CHRM3: variants seen among roughly 807,000 people sequenced by gnomAD.
CHRM3 encodes cholinergic receptor muscarinic 3.
CHRM3 carries 11 observed loss-of-function variants against 41.8 expected under a neutral mutation model. That is an observed-to-expected ratio of 0.26 (90% confidence interval 0.17 to 0.44). CHRM3 has a LOEUF of 0.44. CHRM3 is among the 20% of genes least tolerant of loss of function. The pLI is 1.00. For missense variants in CHRM3, 571 were observed against 745.4 expected (o/e 0.77, Z 2.72); for synonymous variants, 297 against 301.4 (o/e 0.99, Z 0.15).
chr1:239,888,234 G>A (rs1228405035), intron 6 of CHRM3, among the ~76,000 whole-genome samples: 1 of 152,062 alleles, frequency 6.6e-6, no homozygotes, highest in African/African-American at 2.4e-5. Context: ...AGGCATGGTG[G>A]TGCACACCTG....
intron 2 of CHRM3, among the ~76,000 whole-genome samples, chr1:239,498,746 T>G (rs1286862218): frequency 6.6e-6 from 1 of 152,190 alleles, no homozygotes; most frequent in African/African-American, 2.4e-5. Context: ...TTAAGACTTT[T>G]GTTTAAAATG....
chr1:239,758,764 G>C (rs1666448013), intron 5 of CHRM3, among the ~76,000 whole-genome samples: 1 of 152,120 alleles, frequency 6.6e-6, no homozygotes, highest in South Asian at 2.1e-4. Context: ...AAAACTCTTT[G>C]TTGACAGAGT....
chr1:239,777,588 A>C (rs894236786), intron 5 of CHRM3, among the ~76,000 whole-genome samples: 1 of 152,148 alleles, frequency 6.6e-6, no homozygotes, highest in African/African-American at 2.4e-5. Flanking sequence ...CAAAGTTTCT[A>C]TTTAAGGAAT....
intron 4 of CHRM3, among the ~76,000 whole-genome samples, chr1:239,666,762 C>T (rs1038347509): frequency 3.9e-5 from 6 of 152,084 alleles, no homozygotes; most frequent in African/African-American, 1.2e-4. Context: ...TGGGGTATGA[C>T]TGATCCCGTT....
At chr1:239,661,925 G>A (rs949681168) in intron 4 of CHRM3, among the ~76,000 whole-genome samples, 9 of 151,924 alleles carry the variant, frequency 5.9e-5, no homozygotes, top group African/African-American at 2.2e-4. Flanking sequence ...AGGAAAGATA[G>A]TTTATAGGAA....
rs141757231 is a variant in CHRM3, at chr1:239,431,872, G to T, written c.-521+44645G>T. Among the ~76,000 whole-genome samples the T allele has an allele frequency of 5.0e-3, 768 of 152,118 alleles. 2 individuals are homozygous for T. Among genetic ancestry groups the T allele is most frequent in the African/African-American group, 0.018 (740 of 41,504 alleles). On this transcript the variant is annotated intron_variant, in intron 1 of 6. Coordinates refer to ENST00000676153, the MANE Select transcript of CHRM3 (RefSeq NM_001375978.1). The stretch of plus-strand genomic sequence containing the variant: ...CGGATACTTCCCCTCGAGACTCAAG[G>T]AATCTTCTACTTAAATCTGCCAGAG...
chr1:239,755,807 C>G (rs189901564), intron 5 of CHRM3, among the ~76,000 whole-genome samples: 3 of 152,210 alleles, frequency 2.0e-5, no homozygotes, highest in Admixed American at 2.0e-4. Flanking sequence ...CAAGCTTCCT[C>G]TCAAATTTGG....
rs1012252123 is a variant in CHRM3 at position 239,913,179 on chromosome 1, A to G, written c.*3955A>G. ...GGAAGGTAACCAAGGAAGCTTTGAA[A>G]TTTGTTGGCAAACCCGGAGTAGTAT... On this transcript the variant is annotated 3_prime_UTR_variant, in exon 7 of 7. Coordinates refer to ENST00000676153, the MANE Select transcript of CHRM3 (RefSeq NM_001375978.1). 3.0e-5 allele frequency: 5 copies of G among 167,046 alleles called. No individual in the cohort carries two copies. Among genetic ancestry groups the G allele is most frequent in the Non-Finnish European group, 7.3e-5 (5 of 68,106 alleles). The allele number at this position is 167,046 out of a possible 1,614,324, so 10.3% of individuals were successfully genotyped here. A position where few individuals can be genotyped will look rare whatever the true frequency, so the allele number is the denominator to read the frequency against.
rs1316089398 is a variant in CHRM3 at position 239,455,026 on chromosome 1, A to G, written c.-520-37683A>G. On this transcript the variant is annotated intron_variant, in intron 1 of 6. Coordinates refer to ENST00000676153, the MANE Select transcript of CHRM3 (RefSeq NM_001375978.1). ...TACTGACTTATGTATTTACTATACT[A>G]TATGTTTTTAATTGTTATTTTAGAG... Among the ~76,000 whole-genome samples the G allele has an allele frequency of 5.3e-5, 8 of 152,088 alleles. No individual in the cohort carries two copies. The South Asian group carries it at 6.2e-4, about 12-fold the overall frequency.
chr1:239,431,534 G>A (rs772631853), intron 1 of CHRM3, among the ~76,000 whole-genome samples: 2 of 152,138 alleles, frequency 1.3e-5, no homozygotes, highest in Non-Finnish European at 1.5e-5. Context: ...TAAACCCAGT[G>A]TTCAAGCTCA....
rs201587112 is a variant in CHRM3, at chr1:239,397,759, C to CTA, written c.-521+10543_-521+10544dup. The stretch of plus-strand genomic sequence containing the variant: ...TATAAAAATATATCTATATATATTT[C>CTA]TATATATATATAGAAAATGTTGTAA... On this transcript the variant is annotated intron_variant, in intron 1 of 6. Transcript: ENST00000676153. 7.7e-3 allele frequency among the ~76,000 whole-genome samples: 1,125 copies of CTA among 145,786 alleles called. 20 individuals carry two copies. Among genetic ancestry groups the CTA allele is most frequent in the African/African-American group, 0.026 (1,053 of 39,968 alleles).
At chr1:239,577,559 C>T (rs921264134) in intron 3 of CHRM3, among the ~76,000 whole-genome samples, 6 of 152,146 alleles carry the variant, frequency 3.9e-5, no homozygotes, top group Admixed American at 2.0e-4. Flanking sequence ...TCTTCTGCCT[C>T]GCAGGAGCAG....
intron 3 of CHRM3, among the ~76,000 whole-genome samples, chr1:239,614,847 G>A (rs1423768439): frequency 6.6e-6 from 1 of 152,118 alleles, no homozygotes; most frequent in African/African-American, 2.4e-5. Context: ...ATGATTTTAT[G>A]GATTGCAGAT....
At chr1:239,715,796 G>T (rs183687138) in intron 5 of CHRM3, among the ~76,000 whole-genome samples, 190 of 152,184 alleles carry the variant, frequency 1.2e-3, no homozygotes, top group South Asian at 3.7e-3. Context: ...CACTTCACAG[G>T]CTATTTTACC....
At chr1:239,554,350 C>G (rs1175640480) in intron 3 of CHRM3, among the ~76,000 whole-genome samples, 1 of 151,968 alleles carries the variant, frequency 6.6e-6, no homozygotes, top group African/African-American at 2.4e-5. Context: ...ATAGCAGGCC[C>G]TGGGACTACA....
intron 6 of CHRM3, among the ~76,000 whole-genome samples, chr1:239,850,394 G>A (rs1674604726): frequency 6.6e-6 from 1 of 152,158 alleles, no homozygotes; most frequent in African/African-American, 2.4e-5. Flanking sequence ...AGAGGTGTCT[G>A]TGGAGGAGGT....
At chr1:239,688,064 G>A (rs1030083037) in intron 5 of CHRM3, among the ~76,000 whole-genome samples, 1 of 151,728 alleles carries the variant, frequency 6.6e-6, no homozygotes, top group Non-Finnish European at 1.5e-5. Context: ...TGCTCTTAAG[G>A]TAGTTGCCAG....
At chr1:239,533,684 T>C (rs12057489) in intron 2 of CHRM3, among the ~76,000 whole-genome samples, 51,123 of 144,878 alleles carry the variant, frequency 0.35, 9,073 homozygotes, top group Middle Eastern at 0.56. Flanking sequence ...TGAGCCGAGA[T>C]TGGACCATTG....
intron 2 of CHRM3, among the ~76,000 whole-genome samples, chr1:239,506,180 A>G (rs1032853841): frequency 6.6e-6 from 1 of 152,186 alleles, no homozygotes; most frequent in African/African-American, 2.4e-5. Flanking sequence ...AGCTCCAGAA[A>G]TTTGCATAAG....
Sources: gnomAD v4.1 joint callset for allele counts (sites outside exome capture counted in the v4.1 genomes callset) on GRCh38, gnomAD v4.1.1 for gene constraint, MANE v1.5 for transcripts, NCBI Gene and HGNC (gene_info 2026-07-23, HGNC 2026-07-21) for gene names.